Variants in MDGA2 observed in about 807,000 individuals in gnomAD.
The protein encoded by MDGA2 is MAM domain-containing glycosylphosphatidylinositol anchor protein 2.
MDGA2 carries 40 observed loss-of-function variants against 117.8 expected under a neutral mutation model. That is an observed-to-expected ratio of 0.34 (90% CI 0.26 to 0.44). The LOEUF is 0.44. Among genes scored for constraint, MDGA2 ranks in the 20% least tolerant of loss-of-function variants. MDGA2 has a pLI of 1.00. For missense variants in MDGA2, 1,123 were observed against 1,250.6 expected (o/e 0.90, Z 1.54); for synonymous variants, 452 against 439.0 (o/e 1.03, Z -0.37).
intron 2 of MDGA2, among the ~76,000 whole-genome samples, chr14:47,292,399 T>C (rs1341751446): frequency 2.0e-5 from 3 of 152,162 alleles, no homozygotes; most frequent in Non-Finnish European, 4.4e-5. Context: ...GTCCCAATTA[T>C]GTACTTGGGA....
chr14:47,196,754 A>G (rs1354607268), intron 3 of MDGA2, among the ~76,000 whole-genome samples: 2 of 152,208 alleles, frequency 1.3e-5, no homozygotes, highest in African/African-American at 4.8e-5. Context: ...TATACGAATA[A>G]GCCTATCACC....
At chr14:47,534,221 G>T (rs1895160294) in intron 1 of MDGA2, among the ~76,000 whole-genome samples, 1 of 152,156 alleles carries the variant, frequency 6.6e-6, no homozygotes, top group South Asian at 2.1e-4. Flanking sequence ...CAGTCTTCAT[G>T]AACTCATAAT....
At chr14:46,976,763 T>C (rs1886476345) in intron 8 of MDGA2, among the ~76,000 whole-genome samples, 1 of 151,950 alleles carries the variant, frequency 6.6e-6, no homozygotes, top group South Asian at 2.1e-4. Flanking sequence ...TTTTTTCTCA[T>C]ATTTTTCTAA....
intron 7 of MDGA2, among the ~76,000 whole-genome samples, chr14:47,048,658 C>T (rs1270584519): frequency 1.3e-5 from 2 of 152,040 alleles, no homozygotes; most frequent in Non-Finnish European, 2.9e-5. Context: ...TAAAACGAAG[C>T]TGGCTCTCTC....
intron 1 of MDGA2, among the ~76,000 whole-genome samples, chr14:47,607,242 C>A (rs868407439): frequency 6.6e-6 from 1 of 152,076 alleles, no homozygotes; most frequent in Non-Finnish European, 1.5e-5. Flanking sequence ...CTTTACTCTC[C>A]TATGAAAGAG....
At chr14:47,654,882 G>A (rs549444802) in intron 1 of MDGA2, among the ~76,000 whole-genome samples, 1 of 152,072 alleles carries the variant, frequency 6.6e-6, no homozygotes, top group Non-Finnish European at 1.5e-5. Context: ...TTCTAAGGAC[G>A]CTAGATTAAG....
At chr14:47,318,032 C>T (rs7147525) in intron 1 of MDGA2, among the ~76,000 whole-genome samples, 32,494 of 151,980 alleles carry the variant, frequency 0.21, 4,249 homozygotes, top group East Asian at 0.43. Flanking sequence ...AGAACTTGCC[C>T]TTTTAATCTG....
At chr14:47,625,884 G>A in intron 1 of MDGA2, among the ~76,000 whole-genome samples, 1 of 152,182 alleles carries the variant, frequency 6.6e-6, no homozygotes, top group Non-Finnish European at 1.5e-5. Flanking sequence ...CAATGACTTA[G>A]CCTTTGCCCT....
At chr14:47,363,074 T>C (rs1162376039) in intron 1 of MDGA2, among the ~76,000 whole-genome samples, 1 of 152,120 alleles carries the variant, frequency 6.6e-6, no homozygotes. Flanking sequence ...GCTGAAGATA[T>C]TAATGTCTCT....
intron 3 of MDGA2, among the ~76,000 whole-genome samples, chr14:47,190,193 A>G (rs1247307675): frequency 1.3e-5 from 2 of 152,196 alleles, no homozygotes; most frequent in East Asian, 1.9e-4. Flanking sequence ...GTTCCTGGAC[A>G]TGGCCACTTT....
At chr14:47,467,449 G>T (rs1893627515) in intron 1 of MDGA2, among the ~76,000 whole-genome samples, 1 of 152,096 alleles carries the variant, frequency 6.6e-6, no homozygotes, top group Non-Finnish European at 1.5e-5. Context: ...TGGGGAAGGA[G>T]ACTGTCACCT....
At chr14:47,259,929 A>G (rs1023975315) in intron 2 of MDGA2, among the ~76,000 whole-genome samples, 4 of 152,094 alleles carry the variant, frequency 2.6e-5, no homozygotes, top group Non-Finnish European at 4.4e-5. Context: ...AAGACGATCT[A>G]ACATCTAGGA....
chr14:47,335,429 A>G (rs1312542322), intron 1 of MDGA2, among the ~76,000 whole-genome samples: 1 of 151,526 alleles, frequency 6.6e-6, no homozygotes, highest in Admixed American at 6.6e-5. Flanking sequence ...TATGTAGGCG[A>G]AAAGCCTTCC....
At chr14:47,558,351 T>C (rs1319759480) in intron 1 of MDGA2, among the ~76,000 whole-genome samples, 1 of 152,192 alleles carries the variant, frequency 6.6e-6, no homozygotes, top group African/African-American at 2.4e-5. Flanking sequence ...ATAATGCTAG[T>C]TTTGATTTTA....
intron 1 of MDGA2, among the ~76,000 whole-genome samples, chr14:47,537,614 A>AAAAAAAAC (rs1895250659): frequency 7.3e-6 from 1 of 136,328 alleles, no homozygotes; most frequent in Non-Finnish European, 1.6e-5. Context: ...AAAAAAAAAA[A>AAAAAAAAC]CTTAAAAATA....
At chr14:47,186,821 C>T (rs1884929436) in intron 3 of MDGA2, among the ~76,000 whole-genome samples, 1 of 151,934 alleles carries the variant, frequency 6.6e-6, no homozygotes, top group East Asian at 1.9e-4. Context: ...AGAAATATAT[C>T]TGCTGCATTT....
At chr14:47,580,017 C>T (rs1344985594) in intron 1 of MDGA2, among the ~76,000 whole-genome samples, 1 of 152,000 alleles carries the variant, frequency 6.6e-6, no homozygotes, top group African/African-American at 2.4e-5. Flanking sequence ...GATGTGAAAG[C>T]AGATCCAAAG....
chr14:47,214,311 G>A (rs1886006853), intron 3 of MDGA2, among the ~76,000 whole-genome samples: 2 of 152,120 alleles, frequency 1.3e-5, no homozygotes, highest in East Asian at 1.9e-4. Context: ...TCAGATTCGG[G>A]AAATTCAAGT....
intron 9 of MDGA2, among the ~76,000 whole-genome samples, chr14:46,931,642 C>A (rs1566531506): frequency 2.0e-5 from 3 of 151,502 alleles, no homozygotes; most frequent in Middle Eastern, 6.8e-3. Context: ...CCTGCCTCAG[C>A]CTCCTGAGTA....
Sources: gnomAD v4.1 joint callset for allele counts (sites outside exome capture counted in the v4.1 genomes callset) on GRCh38, gnomAD v4.1.1 for gene constraint, MANE v1.5 for transcripts, NCBI Gene and HGNC (gene_info 2026-07-23, HGNC 2026-07-21) for gene names.